Variants in PPA1 observed in about 807,000 individuals in gnomAD.
PPA1 encodes the protein inorganic pyrophosphatase 1, also known as inorganic pyrophosphatase.
In PPA1, 23 loss-of-function variants were observed where a neutral mutation model predicts 41.8. The ratio of observed to expected loss-of-function variants is 0.55; its 90% CI spans 0.40 to 0.78. The LOEUF is 0.78. Ranked by LOEUF, PPA1 falls within the 30% of genes least tolerant of loss-of-function variation. The pLI is 0.00. For synonymous variants in PPA1, 101 were observed against 116.8 expected (o/e 0.86, Z 0.87); for missense variants, 320 against 361.6 (o/e 0.89, Z 0.93).
At chr10:70,220,367 C>T (rs1000651314) in intron 2 of PPA1, among the ~76,000 whole-genome samples, 41 of 143,540 alleles carry the variant, frequency 2.9e-4, no homozygotes, top group Non-Finnish European at 4.3e-4. Flanking sequence ...ATCTTCCCAT[C>T]TCAGCCTCCT....
rs1175536180 is a variant in PPA1, at chr10:70,220,612, T to TAA, written c.124-1796_124-1795insTT. On this transcript the variant is annotated intron_variant, in intron 2 of 10. Transcript: ENST00000373232. Reference sequence around the variant, plus strand: ...ATATTATATATAATTTATATATATATTATATATAATTTATATATATATAAT... The same window carrying TAA: ...ATATTATATATAATTTATATATATATAATATATATAATTTATATATATATAAT... Among the ~76,000 whole-genome samples the TAA allele has an allele frequency of 2.8e-3, 7 of 2,472 alleles. 1 individual carries two copies. Among genetic ancestry groups the TAA allele is most frequent in the African/African-American group, 3.9e-3 (3 of 764 alleles). 1.6% of individuals were successfully genotyped at this position (2,472 alleles called of 152,430 possible).
intron 1 of PPA1, 46 bp downstream of exon 1, chr10:70,233,218 G>T: frequency 2.0e-6 from 3 of 1,521,344 alleles, no homozygotes; most frequent in Non-Finnish European, 1.8e-6. Flanking sequence ...GCCCGGGAAT[G>T]AATGGGCGGA....
At chr10:70,216,405 C>T (rs1840081927) in intron 4 of PPA1, among the ~76,000 whole-genome samples, 2 of 151,618 alleles carry the variant, frequency 1.3e-5, no homozygotes, top group South Asian at 2.1e-4. Flanking sequence ...GAGAATCACT[C>T]GAACCTGAGA....
intron 9 of PPA1, chr10:70,205,709 G>C (rs1200870805): frequency 1.3e-5 from 2 of 151,856 alleles, no homozygotes; most frequent in African/African-American, 4.8e-5. Flanking sequence ...ATTTTCTTTT[G>C]TTTTCCTTAT....
At chr10:70,219,346 A>C (rs980132956) in intron 2 of PPA1, among the ~76,000 whole-genome samples, 2 of 152,362 alleles carry the variant, frequency 1.3e-5, no homozygotes, top group South Asian at 2.1e-4. Context: ...GACCATCTTC[A>C]AAACACTCTC....
At chr10:70,210,259 T>C (rs1174573241) in intron 6 of PPA1, 4 of 628,348 alleles carry the variant, frequency 6.4e-6, no homozygotes, top group African/African-American at 5.8e-5. Flanking sequence ...AAATTTTTTG[T>C]AGAAATGGGG....
At chr10:70,210,116 C>CT (rs144805343) in intron 6 of PPA1, 11,102 of 294,022 alleles carry the variant, frequency 0.038, 545 homozygotes, top group African/African-American at 0.15. Flanking sequence ...AGGTCTCGCT[C>CT]TGTCACCCAC....
At chr10:70,206,155 A>C in intron 9 of PPA1, 109 bp downstream of exon 9, 1 of 843,092 alleles carries the variant, frequency 1.2e-6, no homozygotes, top group Non-Finnish European at 2.0e-6. Context: ...AGTAACATGC[A>C]TACAAAAGGC....
chr10:70,225,970 G>A (rs904348873), intron 2 of PPA1, among the ~76,000 whole-genome samples: 6 of 152,140 alleles, frequency 3.9e-5, no homozygotes, highest in African/African-American at 1.4e-4. Context: ...AAAGAAATAC[G>A]ATGACCGAAG....
At chr10:70,226,628 AT>A (rs1840233461) in intron 2 of PPA1, among the ~76,000 whole-genome samples, 1 of 152,120 alleles carries the variant, frequency 6.6e-6, no homozygotes, top group Non-Finnish European at 1.5e-5. Context: ...TGATGACTAA[AT>A]TTTGAAAACA....
At chr10:70,227,278 C>T (rs981334124) in intron 2 of PPA1, among the ~76,000 whole-genome samples, 12 of 152,316 alleles carry the variant, frequency 7.9e-5, no homozygotes, top group Non-Finnish European at 1.3e-4. Context: ...AAGCAGGGTA[C>T]GCGAGTCACA....
intron 2 of PPA1, 124 bp from the exon 3 acceptor site, chr10:70,218,941 C>A: frequency 1.4e-5 from 9 of 654,698 alleles, no homozygotes; most frequent in South Asian, 3.7e-5. Flanking sequence ...ATTGGATTTT[C>A]AACAAAATGC....
chr10:70,214,636 G>T, intron 4 of PPA1, 50 bp from the exon 5 acceptor site: 3 of 1,425,298 alleles, frequency 2.1e-6, no homozygotes, highest in Non-Finnish European at 2.0e-6. Flanking sequence ...TGACAAAATG[G>T]ATCATGTTGA....
chr10:70,213,803 G>A (rs1407909051), intron 5 of PPA1, among the ~76,000 whole-genome samples: 2 of 152,074 alleles, frequency 1.3e-5, no homozygotes, highest in Non-Finnish European at 2.9e-5. Context: ...TTTTCTTCTA[G>A]GTCATAGGGA....
In PPA1 at chr10:70,214,537, TCAC is replaced by T. The variant is rs1248527612; in HGVS notation, c.344_346del (p.Gly115del). On this transcript the variant is annotated inframe_deletion, in exon 5 of 11. Coordinates refer to ENST00000373232, the MANE Select transcript of PPA1 (RefSeq NM_021129.4). ...TTCACACACATCAATTGGGTCATTGTCACCACAACAGCCAGTATGTTTATCATT... is the reference window on the plus strand; with the variant it reads ...TTCACACACATCAATTGGGTCATTGTCACAACAGCCAGTATGTTTATCATT... 4.3e-6 allele frequency: 7 copies of T among 1,613,852 alleles called. No individual in the cohort carries two copies. The highest frequency in any genetic ancestry group is 1.3e-5 in the African/African-American group (1 of 75,050).
chr10:70,218,856 CAA>C lies in PPA1; in HGVS notation c.124-41_124-40del. On this transcript the variant is annotated intron_variant, in intron 2 of 10. Coordinates refer to ENST00000373232, the MANE Select transcript of PPA1 (RefSeq NM_021129.4). ...GAGAAAGTGAGATGGTCACAGGAGC[CAA>C]TTTGTTCTCTGAGGGAGCATGCACT... is the stretch of plus-strand genomic sequence containing the variant. The C allele has an allele frequency of 2.0e-6, 3 of 1,500,290 alleles. No individual in the cohort carries two copies. In the South Asian group the frequency reaches 3.4e-5, roughly 17 times the overall value. The allele number at this position is 1,500,290 out of a possible 1,614,324, so 92.9% of individuals were successfully genotyped here. A position where few individuals can be genotyped will look rare whatever the true frequency, so the allele number is the denominator to read the frequency against.
chr10:70,204,674 C>A, intron 10 of PPA1, 199 bp downstream of exon 10: 1 of 488,672 alleles, frequency 2.0e-6, no homozygotes, highest in South Asian at 3.9e-5. Context: ...TACCACACAA[C>A]AAATAATGAT....
At chr10:70,213,987 C>A (rs1840050334) in intron 5 of PPA1, among the ~76,000 whole-genome samples, 1 of 152,134 alleles carries the variant, frequency 6.6e-6, no homozygotes. Context: ...ACTTAAAAAA[C>A]AAAATGATAA....
chr10:70,216,731 A>G (rs1840085808), intron 4 of PPA1, among the ~76,000 whole-genome samples: 1 of 152,234 alleles, frequency 6.6e-6, no homozygotes, highest in African/African-American at 2.4e-5. Context: ...TAAGTGCCAC[A>G]GCACTGGCCT....
Sources: gnomAD v4.1 joint callset for allele counts (sites outside exome capture counted in the v4.1 genomes callset) on GRCh38, gnomAD v4.1.1 for gene constraint, MANE v1.5 for transcripts, NCBI Gene and HGNC (gene_info 2026-07-23, HGNC 2026-07-21) for gene names.